DNAJC3: variants seen among roughly 807,000 people sequenced by gnomAD.
DNAJC3 encodes dnaJ homolog subfamily C member 3.
Under a neutral mutation model 68.6 loss-of-function variants are expected in DNAJC3, and 38 were observed. That is an observed-to-expected ratio of 0.55 (90% confidence interval 0.43 to 0.73). DNAJC3 has a LOEUF of 0.73. Ranked by LOEUF, DNAJC3 falls within the 30% of genes least tolerant of loss-of-function variation. The pLI is 0.00. For missense variants in DNAJC3, 526 were observed against 591.9 expected (o/e 0.89, Z 1.16); for synonymous variants, 203 against 204.0 (o/e 1.00, Z 0.04).
At chr13:95,735,371 T>C (rs1444743429) in intron 4 of DNAJC3, among the ~76,000 whole-genome samples, 17 of 110,566 alleles carry the variant, frequency 1.5e-4, no homozygotes, top group Non-Finnish European at 1.8e-5. Flanking sequence ...GTATTTCCAG[T>C]TCTAGATCCC....
rs560534440 is a variant in DNAJC3, at chr13:95,700,120, T to A, written c.83-9107T>A. On this transcript the variant is annotated intron_variant, in intron 1 of 11. Coordinates refer to ENST00000602402, the MANE Select transcript of DNAJC3 (RefSeq NM_006260.5). ...GTGAGCCATTGCAACTGGCCTACTTTTATTGTTTATATAAGATATGGGGTC... is the reference window on the plus strand; with the variant it reads ...GTGAGCCATTGCAACTGGCCTACTTATATTGTTTATATAAGATATGGGGTC... Among the ~76,000 whole-genome samples the A allele has an allele frequency of 3.3e-5, 5 of 152,216 alleles. No individual in the cohort carries two copies. In the South Asian group the frequency reaches 1.0e-3, roughly 32 times the overall value.
At chr13:95,691,878 C>T (rs980069385) in intron 1 of DNAJC3, among the ~76,000 whole-genome samples, 36 of 152,218 alleles carry the variant, frequency 2.4e-4, no homozygotes, top group Non-Finnish European at 7.3e-5. Flanking sequence ...CACAGTGAAA[C>T]GCCGTCTCCA....
At position 95,760,182 on chromosome 13, in the gene DNAJC3, C is replaced by T; in HGVS notation, c.689C>T (p.Thr230Ile). The T allele has an allele frequency of 1.9e-6, 3 of 1,610,670 alleles. No homozygotes were observed. Among genetic ancestry groups the T allele is most frequent in the Non-Finnish European group, 2.5e-6 (3 of 1,178,138 alleles). Residue 230 changes from threonine (T) to isoleucine (I), a missense_variant, in exon 6 of 12, where the codon ACA becomes ATA. By Grantham distance (89) the Thr-to-Ile change is moderately conservative. Transcript: ENST00000602402. ...ACTGAAGCGTTTTATAAAATAAGCA[C>T]ACTGTACTACCAACTAGGAGACCAC... ...DNTEAFYKIS[T>I]LYYQLGDHEL...
intron 1 of DNAJC3, among the ~76,000 whole-genome samples, chr13:95,700,689 G>A (rs949695212): frequency 6.6e-6 from 1 of 152,194 alleles, no homozygotes; most frequent in Non-Finnish European, 1.5e-5. Flanking sequence ...TGCTCAGTAA[G>A]TTGCTTTGGG....
At chr13:95,786,446 C>T (rs1487927432) in intron 10 of DNAJC3, among the ~76,000 whole-genome samples, 1 of 152,064 alleles carries the variant, frequency 6.6e-6, no homozygotes, top group Non-Finnish European at 1.5e-5. Flanking sequence ...TAAAGTAGTG[C>T]TTTCAGAATT....
chr13:95,721,594 C>A (rs952655757), intron 2 of DNAJC3, among the ~76,000 whole-genome samples: 6 of 151,326 alleles, frequency 4.0e-5, no homozygotes, highest in African/African-American at 9.7e-5. Flanking sequence ...TTTTATTTTT[C>A]ATAATAGCCA....
intron 2 of DNAJC3, among the ~76,000 whole-genome samples, chr13:95,719,402 G>T (rs907798137): frequency 6.6e-6 from 1 of 152,124 alleles, no homozygotes; most frequent in Non-Finnish European, 1.5e-5. Flanking sequence ...TATCACTTAG[G>T]CATGATGTAT....
intron 4 of DNAJC3, among the ~76,000 whole-genome samples, chr13:95,729,287 T>TCCCC (rs1881633673): frequency 1.3e-5 from 1 of 75,064 alleles, no homozygotes; most frequent in African/African-American, 5.5e-5. Flanking sequence ...TCCCCCTCCC[T>TCCCC]CTCCTTCTCC....
At chr13:95,716,961 C>A (rs1354342678) in intron 2 of DNAJC3, among the ~76,000 whole-genome samples, 1 of 152,118 alleles carries the variant, frequency 6.6e-6, no homozygotes, top group East Asian at 1.9e-4. Flanking sequence ...GGGACCCCAC[C>A]CCTCTCTACC....
intron 1 of DNAJC3, among the ~76,000 whole-genome samples, chr13:95,681,782 A>G (rs1023126266): frequency 6.6e-6 from 1 of 152,186 alleles, no homozygotes; most frequent in Non-Finnish European, 1.5e-5. Flanking sequence ...TCCTTTCTGA[A>G]GCCTCTAATT....
At chr13:95,707,587 G>T (rs921237062) in intron 1 of DNAJC3, among the ~76,000 whole-genome samples, 1 of 152,146 alleles carries the variant, frequency 6.6e-6, no homozygotes, top group Non-Finnish European at 1.5e-5. Flanking sequence ...TTGCATCTCT[G>T]TGGGCCTGTC....
intron 1 of DNAJC3, chr13:95,692,671 A>G (rs190688264): frequency 1.3e-5 from 2 of 152,124 alleles, no homozygotes; most frequent in Non-Finnish European, 2.9e-5. Flanking sequence ...TTTAGGTGCT[A>G]TTACCACCAT....
At chr13:95,735,997 T>A (rs1881902873) in intron 4 of DNAJC3, among the ~76,000 whole-genome samples, 1 of 152,212 alleles carries the variant, frequency 6.6e-6, no homozygotes. Flanking sequence ...TTGATTTTTG[T>A]ATAAGGTGTA....
chr13:95,736,446 A>G (rs1202525605), intron 4 of DNAJC3, among the ~76,000 whole-genome samples: 1 of 147,400 alleles, frequency 6.8e-6, no homozygotes, highest in Non-Finnish European at 1.5e-5. Flanking sequence ...GATTCTTCCT[A>G]CCCATGAGCA....
At chr13:95,691,659 C>T (rs1342623741) in intron 1 of DNAJC3, among the ~76,000 whole-genome samples, 32 of 152,174 alleles carry the variant, frequency 2.1e-4, no homozygotes, top group Admixed American at 1.5e-3. Flanking sequence ...GGGTGGTGGC[C>T]GGGCAGAGGC....
intron 4 of DNAJC3, among the ~76,000 whole-genome samples, chr13:95,734,943 A>G (rs1330193989): frequency 2.1e-5 from 3 of 145,054 alleles, no homozygotes; most frequent in Non-Finnish European, 4.5e-5. Context: ...AGCATTAGGT[A>G]TATCTCCCGA....
chr13:95,785,887 G>T, intron 9 of DNAJC3, 52 bp from the exon 10 acceptor site: 1 of 1,487,690 alleles, frequency 6.7e-7, no homozygotes, highest in Non-Finnish European at 9.0e-7. Flanking sequence ...ATAAGAAAAG[G>T]CAATAAATTA....
intron 9 of DNAJC3, among the ~76,000 whole-genome samples, chr13:95,772,302 C>T (rs1277585984): frequency 1.3e-5 from 2 of 152,158 alleles, no homozygotes; most frequent in Admixed American, 1.3e-4. Context: ...TATTACCAGA[C>T]ACTTCAGCTG....
chr13:95,757,148 T>C (rs1882686244), intron 4 of DNAJC3, among the ~76,000 whole-genome samples: 1 of 152,172 alleles, frequency 6.6e-6, no homozygotes, highest in Non-Finnish European at 1.5e-5. Flanking sequence ...ACTTTAACCC[T>C]TTTGGTATCA....
Sources: allele counts gnomAD v4.1 joint callset (sites outside exome capture counted in the v4.1 genomes callset), GRCh38; gene constraint gnomAD v4.1.1; transcripts MANE v1.5; gene names NCBI Gene and HGNC (gene_info 2026-07-23, HGNC 2026-07-21).